Variants in KANSL3 observed in about 807,000 individuals in gnomAD.
The protein encoded by KANSL3 is NSL complex protein NSL3.
Under a neutral mutation model 89.2 loss-of-function variants are expected in KANSL3, and 16 were observed. The ratio of observed to expected loss-of-function variants is 0.18; its 90% CI spans 0.12 to 0.27. The LOEUF (loss-of-function observed/expected upper bound fraction) is 0.27, where lower values mean the gene tolerates loss of function less well. Among genes scored for constraint, KANSL3 ranks in the 10% least tolerant of loss-of-function variants. The probability of loss-of-function intolerance (pLI) is 1.00; values close to 1 mark genes in which losing one functional copy is unlikely to be tolerated. For missense variants in KANSL3, 879 were observed against 1,110.6 expected (o/e 0.79, Z 2.96); for synonymous variants, 385 against 419.7 (o/e 0.92, Z 1.01).
rs749545606 is a variant in KANSL3 at position 96,595,645 on chromosome 2, G to C, written c.2617-14C>G. On this transcript the variant is annotated splice_polypyrimidine_tract_variant and intron_variant, in intron 20 of 20. Transcript: ENST00000431828. ...TGGAGGCAGGCGCTGTGGCAGGAGA[G>C]GTAGTGAAGAAGGGTCAAAGCTTTG... The C allele has an allele frequency of 6.2e-7, 1 of 1,613,458 alleles. No homozygotes were observed. Among genetic ancestry groups the C allele is most frequent in the Non-Finnish European group, 8.5e-7 (1 of 1,179,684 alleles).
chr2:96,623,335 T>C (rs2071663284), intron 3 of KANSL3, among the ~76,000 whole-genome samples: 1 of 152,202 alleles, frequency 6.6e-6, no homozygotes. Flanking sequence ...AGAATGCTGC[T>C]TGAAACATCA....
chr2:96,631,707 T>G (rs2073419038), intron 2 of KANSL3, among the ~76,000 whole-genome samples: 2 of 152,200 alleles, frequency 1.3e-5, no homozygotes, highest in Admixed American at 6.5e-5. Flanking sequence ...AAAGTCATTT[T>G]TTCAATGAGT....
At chr2:96,631,607 T>C in intron 2 of KANSL3, 125 bp from the exon 3 acceptor site, 1 of 1,171,234 alleles carries the variant, frequency 8.5e-7, no homozygotes, top group Non-Finnish European at 1.2e-6. Flanking sequence ...CACATTATAT[T>C]CACAAGAAAA....
downstream of KANSL3, among the ~76,000 whole-genome samples, chr2:96,592,677 T>C (rs1005465100): frequency 6.6e-6 from 1 of 152,228 alleles, no homozygotes; most frequent in African/African-American, 2.4e-5. Flanking sequence ...CCTGCTGTTT[T>C]GACTGCTCTG....
chr2:96,636,859 T>G, intron 2 of KANSL3, 62 bp downstream of exon 2: 1 of 1,339,828 alleles, frequency 7.5e-7, no homozygotes, highest in Non-Finnish European at 1.0e-6. Flanking sequence ...AAATCCTCTC[T>G]AAATTCCCAT....
chr2:96,631,816 G>A (rs2073437067), intron 2 of KANSL3, among the ~76,000 whole-genome samples: 1 of 152,050 alleles, frequency 6.6e-6, no homozygotes, highest in African/African-American at 2.4e-5. Flanking sequence ...GGAAGCCGAG[G>A]CAGGTGGATT....
intron 2 of KANSL3, among the ~76,000 whole-genome samples, chr2:96,636,154 G>C (rs1308139121): frequency 6.6e-6 from 1 of 152,118 alleles, no homozygotes; most frequent in Non-Finnish European, 1.5e-5. Context: ...CATTAGGTCA[G>C]ATTAAAAACA....
chr2:96,615,545 C>G (rs758277272), intron 5 of KANSL3: 5 of 1,281,090 alleles, frequency 3.9e-6, no homozygotes, highest in South Asian at 1.2e-5. Flanking sequence ...TCAAAATGAC[C>G]TAGGGGAAAG....
chr2:96,622,831 G>A (rs1053885417), intron 3 of KANSL3, among the ~76,000 whole-genome samples: 1 of 152,128 alleles, frequency 6.6e-6, no homozygotes, highest in African/African-American at 2.4e-5. Flanking sequence ...CACAGACCAG[G>A]GCCCTGCCCT....
In KANSL3 at chr2:96,605,522, G is replaced by C. The variant is rs547268886; in HGVS notation, c.1742-11C>G. 6 of 1,608,830 alleles carry C rather than the reference G, an allele frequency of 3.7e-6. No individual in the cohort carries two copies. The South Asian group carries it at 6.6e-5, about 18-fold the overall frequency. Reference sequence around the variant, plus strand: ...CTGATGAAATGGGAACTAAGACATGGAGCTGAGTTGAGATCCTCCACAATC... The same window carrying C: ...CTGATGAAATGGGAACTAAGACATGCAGCTGAGTTGAGATCCTCCACAATC... On this transcript the variant is annotated splice_polypyrimidine_tract_variant and intron_variant, in intron 14 of 20. Transcript: ENST00000431828.
Position 96,631,350 on chromosome 2 carries a change from G to A in KANSL3, c.348C>T (p.Ala116=). The A allele has an allele frequency of 6.2e-7, 1 of 1,613,336 alleles. No individual in the cohort carries two copies. The highest frequency in any genetic ancestry group is 8.5e-7 in the Non-Finnish European group (1 of 1,179,666). ...HVIFARTDAD[A]PPPPEDWEEH... ...CCTCCCAGTCCTCTGGTGGAGGAGG[G>A]GCATCTGCATCAGTCCTGGCAAAGA... The change falls in exon 3 of 21, where the codon GCC becomes GCT. Residue 116 remains alanine, a synonymous_variant. Transcript: ENST00000431828.
At chr2:96,597,515 A>C (rs1158949378) in intron 20 of KANSL3, among the ~76,000 whole-genome samples, 1 of 152,238 alleles carries the variant, frequency 6.6e-6, no homozygotes, top group Non-Finnish European at 1.5e-5. Context: ...ATCAGCAAGA[A>C]GCCTTAATCT....
chr2:96,595,440 T>C lies in KANSL3; in HGVS notation c.*171A>G, dbSNP rs185208368. The stretch of plus-strand genomic sequence containing the variant: ...GATGGTGCTTCCCTTGCTGGCACCG[T>C]ATCACCTAACCTAATGGTTTCTCTG... On this transcript the variant is annotated 3_prime_UTR_variant, in exon 21 of 21. Coordinates refer to ENST00000431828, the MANE Select transcript of KANSL3 (RefSeq NM_001115016.3). The C allele has an allele frequency of 2.1e-4, 124 of 602,852 alleles. No homozygotes were observed. In the Admixed American group the frequency reaches 3.6e-3, roughly 18 times the overall value. 37.3% of individuals were successfully genotyped at this position (602,852 alleles called of 1,614,324 possible). A position where few individuals can be genotyped will look rare whatever the true frequency, so the allele number is the denominator to read the frequency against.
At chr2:96,634,941 C>T (rs1363341622) in intron 2 of KANSL3, among the ~76,000 whole-genome samples, 1 of 152,222 alleles carries the variant, frequency 6.6e-6, no homozygotes, top group Non-Finnish European at 1.5e-5. Context: ...TTCCCTTTAA[C>T]CCTGGTTCTT....
At chr2:96,606,852 G>T in intron 14 of KANSL3, 1 of 438,126 alleles carries the variant, frequency 2.3e-6, no homozygotes. Context: ...CAAAGAAAGA[G>T]AGAGAAAAGA....
At chr2:96,625,859 T>A (rs2072199092) in intron 3 of KANSL3, among the ~76,000 whole-genome samples, 1 of 151,990 alleles carries the variant, frequency 6.6e-6, no homozygotes, top group African/African-American at 2.4e-5. Context: ...ATGCAAGAGA[T>A]ATAATTAGCA....
rs760911498 is a variant in KANSL3, at chr2:96,604,283, G to A, written c.2116C>T (p.Leu706=). 2 of 1,610,956 alleles carry A rather than the reference G, an allele frequency of 1.2e-6. No homozygotes were observed. The highest frequency in any genetic ancestry group is 8.5e-7 in the Non-Finnish European group (1 of 1,178,740). The change falls in exon 17 of 21, where the codon CTG becomes TTG. Residue 706 remains leucine (L), a synonymous_variant. Transcript: ENST00000431828. The part of the protein sequence containing the change: ...PSALHTLQSR[L]VATSPGSSLP... ...GAGCTGCCAGGAGATGTGGCCACCA[G>A]GCGGCTCTGCAGTGTGTGCAAGGCA...
At chr2:96,628,227 GT>G in intron 3 of KANSL3, 1 of 1,232,244 alleles carries the variant, frequency 8.1e-7, no homozygotes, top group Non-Finnish European at 1.0e-6. Context: ...TGTGCCTCCT[GT>G]GTAGACTCTC....
intron 2 of KANSL3, chr2:96,636,640 A>G (rs909319075): frequency 2.8e-6 from 1 of 353,688 alleles, no homozygotes; most frequent in African/African-American, 2.1e-5. Flanking sequence ...CCAGTTAAAT[A>G]ACCCTCTACG....
Sources: allele counts gnomAD v4.1 joint callset (sites outside exome capture counted in the v4.1 genomes callset), GRCh38; gene constraint gnomAD v4.1.1; transcripts MANE v1.5; gene names NCBI Gene and HGNC (gene_info 2026-07-23, HGNC 2026-07-21).